Variants in TANGO6 observed in about 807,000 individuals in gnomAD.
TANGO6 encodes transport and Golgi organization protein 6 homolog.
TANGO6 carries 90 observed loss-of-function variants against 114.2 expected under a neutral mutation model. The ratio of observed to expected loss-of-function variants is 0.79; its 90% CI spans 0.66 to 0.94. The LOEUF is 0.94. TANGO6 is among the 40% of genes least tolerant of loss of function. TANGO6 has a pLI of 0.00. For synonymous variants in TANGO6, 477 were observed against 509.8 expected, an observed-to-expected ratio of 0.94 and a Z score of 0.87; for missense variants, 1,274 against 1,315.3, an observed-to-expected ratio of 0.97 and a Z score of 0.49.
chr16:68,914,689 C>A (rs1962974021), intron 11 of TANGO6, among the ~76,000 whole-genome samples: 2 of 152,086 alleles, frequency 1.3e-5, no homozygotes, highest in Admixed American at 6.6e-5. Context: ...TTAGAACAGG[C>A]TTCAGTCACA....
At chr16:69,026,431 TC>T (rs1450442759) in intron 16 of TANGO6, 2 of 180,512 alleles carry the variant, frequency 1.1e-5, no homozygotes, top group Non-Finnish European at 2.4e-5. Context: ...GAGCCACTCT[TC>T]CATAACATCC....
At chr16:68,959,933 T>G (rs1963572904) in intron 14 of TANGO6, among the ~76,000 whole-genome samples, 2 of 152,200 alleles carry the variant, frequency 1.3e-5, no homozygotes, top group Non-Finnish European at 2.9e-5. Flanking sequence ...CAGGTGGTTC[T>G]CCTCCTACCT....
intron 10 of TANGO6, 121 bp downstream of exon 10, chr16:68,907,696 G>A: frequency 8.3e-7 from 1 of 1,201,390 alleles, no homozygotes; most frequent in Non-Finnish European, 1.1e-6. Context: ...TAAGGAAAAT[G>A]GTCAGAGGAC....
At chr16:69,022,669 A>T (rs1322360180) in intron 15 of TANGO6, among the ~76,000 whole-genome samples, 159 bp from the exon 16 acceptor site, 1 of 151,928 alleles carries the variant, frequency 6.6e-6, no homozygotes, top group Non-Finnish European at 1.5e-5. Context: ...GTGCCACTGC[A>T]CTCCAGTCTG....
chr16:68,940,220 TTTTTC>T (rs1261885896), intron 14 of TANGO6, among the ~76,000 whole-genome samples: 14 of 151,876 alleles, frequency 9.2e-5, no homozygotes. Context: ...TTTCGTTTCT[TTTTTC>T]TTTTCTTTTC....
chr16:69,034,505 C>T (rs1230364995), intron 16 of TANGO6: 2 of 153,584 alleles, frequency 1.3e-5, no homozygotes, highest in African/African-American at 4.8e-5. Flanking sequence ...AGGACCCAGG[C>T]TCCAGCTGTG....
chr16:68,967,511 AAG>A (rs1472623076), intron 14 of TANGO6, among the ~76,000 whole-genome samples: 1 of 152,160 alleles, frequency 6.6e-6, no homozygotes, highest in Non-Finnish European at 1.5e-5. Flanking sequence ...TCACCCCAGA[AAG>A]AAATTTCGTA....
intron 17 of TANGO6, among the ~76,000 whole-genome samples, chr16:69,062,786 T>TA (rs1226491112): frequency 0.034 from 3,541 of 104,094 alleles, 173 homozygotes; most frequent in African/African-American, 0.11. Flanking sequence ...AAAAAGAAAT[T>TA]TAAAAAAAAA....
chr16:68,960,596 G>C (rs1054822558), intron 14 of TANGO6, among the ~76,000 whole-genome samples: 1 of 152,002 alleles, frequency 6.6e-6, no homozygotes, highest in Non-Finnish European at 1.5e-5. Context: ...TCTTCCTCCC[G>C]GGGTTTAAGC....
At chr16:68,973,093 G>A (rs1198753391) in intron 14 of TANGO6, 2 of 455,792 alleles carry the variant, frequency 4.4e-6, no homozygotes, top group Non-Finnish European at 8.8e-6. Flanking sequence ...GCATGAAGGG[G>A]CCAGACTTAT....
At chr16:68,871,845 C>G (rs1412941953) in intron 4 of TANGO6, among the ~76,000 whole-genome samples, 4 of 152,192 alleles carry the variant, frequency 2.6e-5, no homozygotes, top group African/African-American at 2.4e-5. Context: ...GTCTTGGACT[C>G]CTGGTCTCAA....
At chr16:68,880,291 G>A (rs1962438474) in intron 6 of TANGO6, among the ~76,000 whole-genome samples, 2 of 152,040 alleles carry the variant, frequency 1.3e-5, no homozygotes, top group South Asian at 4.2e-4. Flanking sequence ...AATTCTAAGT[G>A]ATAATGTGCT....
At chr16:69,071,225 A>G (rs1258178997) in intron 17 of TANGO6, among the ~76,000 whole-genome samples, 1 of 152,170 alleles carries the variant, frequency 6.6e-6, no homozygotes, top group Non-Finnish European at 1.5e-5. Flanking sequence ...ACTTCTGGAA[A>G]TGCAGCCCAG....
At chr16:68,948,488 G>A (rs1424682449) in intron 14 of TANGO6, among the ~76,000 whole-genome samples, 1 of 152,142 alleles carries the variant, frequency 6.6e-6, no homozygotes, top group Non-Finnish European at 1.5e-5. Flanking sequence ...TTGTGCCTCT[G>A]GCTCTGAAGT....
intron 1 of TANGO6, among the ~76,000 whole-genome samples, 152 bp from the exon 2 acceptor site, chr16:68,859,732 G>T (rs937892283): frequency 6.6e-6 from 1 of 152,222 alleles, no homozygotes; most frequent in Admixed American, 6.5e-5. Flanking sequence ...TTCTTCATAG[G>T]CTGGGTTGGT....
At chr16:68,891,404 G>A (rs1962617781) in intron 7 of TANGO6, among the ~76,000 whole-genome samples, 1 of 152,064 alleles carries the variant, frequency 6.6e-6, no homozygotes, top group South Asian at 2.1e-4. Context: ...AGGTTGCAGT[G>A]AGCCAAGATT....
At chr16:69,038,767 G>A (rs934599483) in intron 16 of TANGO6, among the ~76,000 whole-genome samples, 2 of 152,098 alleles carry the variant, frequency 1.3e-5, no homozygotes, top group African/African-American at 4.8e-5. Context: ...CGCTGGCCAG[G>A]CACAGTAACT....
chr16:68,873,177 C>T (rs879583710), intron 4 of TANGO6, among the ~76,000 whole-genome samples: 6 of 152,032 alleles, frequency 3.9e-5, no homozygotes, highest in Non-Finnish European at 5.9e-5. Context: ...CTCCCCTCCT[C>T]TCAGATTCTG....
intron 1 of TANGO6, 40 bp from the exon 2 acceptor site, chr16:68,859,844 T>G: frequency 6.6e-7 from 1 of 1,514,252 alleles, no homozygotes; most frequent in Non-Finnish European, 8.8e-7. Flanking sequence ...GCAGCTTGTT[T>G]TCTATGTGTA....
Sources: allele counts gnomAD v4.1 joint callset (sites outside exome capture counted in the v4.1 genomes callset), GRCh38; gene constraint gnomAD v4.1.1; transcripts MANE v1.5; gene names NCBI Gene and HGNC (gene_info 2026-07-23, HGNC 2026-07-21).